The following MAST4 variants were observed in gnomAD, a reference collection of about 807,000 sequenced individuals.
MAST4 encodes the protein microtubule-associated serine/threonine-protein kinase 4.
In MAST4, 89 loss-of-function variants were observed where a neutral mutation model predicts 162.7. The ratio of observed to expected loss-of-function variants is 0.55; its 90% CI spans 0.46 to 0.65. The LOEUF is 0.65. Among genes scored for constraint, MAST4 ranks in the 30% least tolerant of loss-of-function variants. The probability of loss-of-function intolerance (pLI) is 0.00; values close to 1 mark genes in which losing one functional copy is unlikely to be tolerated. For synonymous variants in MAST4, 1,479 were observed against 1,361.1 expected, an observed-to-expected ratio of 1.09 and a Z score of -1.91; for missense variants, 3,153 against 3,374.0, an observed-to-expected ratio of 0.93 and a Z score of 1.62.
chr5:66,845,772 C>G (rs1758812583), intron 3 of MAST4, among the ~76,000 whole-genome samples: 1 of 151,976 alleles, frequency 6.6e-6, no homozygotes, highest in East Asian at 1.9e-4. Flanking sequence ...CTCTCCAGCA[C>G]CTGTTGTTTC....
intron 3 of MAST4, among the ~76,000 whole-genome samples, chr5:66,819,560 T>G (rs970334801): frequency 3.3e-5 from 5 of 152,220 alleles, no homozygotes; most frequent in African/African-American, 1.2e-4. Context: ...AATGCTTGAT[T>G]AATTCACATG....
chr5:66,731,556 A>G (rs139574205), intron 1 of MAST4, among the ~76,000 whole-genome samples: 12 of 152,294 alleles, frequency 7.9e-5, no homozygotes, highest in Admixed American at 5.9e-4. Context: ...ATGGCATTTA[A>G]TCTTGGTTTT....
chr5:67,015,209 G>T (rs140565717), intron 4 of MAST4, among the ~76,000 whole-genome samples: 1 of 152,224 alleles, frequency 6.6e-6, no homozygotes, highest in Non-Finnish European at 1.5e-5. Context: ...AAGGAAGCTC[G>T]TCATGACCTA....
chr5:66,664,506 T>TTG (rs1269673968), intron 1 of MAST4, among the ~76,000 whole-genome samples: 4 of 144,958 alleles, frequency 2.8e-5, no homozygotes, highest in Non-Finnish European at 4.5e-5. Flanking sequence ...GATGATGGGC[T>TTG]TACAAGACAG....
chr5:66,709,504 A>C (rs1470568219), intron 1 of MAST4, among the ~76,000 whole-genome samples: 1 of 149,624 alleles, frequency 6.7e-6, no homozygotes, highest in African/African-American at 2.5e-5. Flanking sequence ...TTTTGTAGAG[A>C]TGGAGTCTTG....
At chr5:66,769,355 G>A (rs1754257971) in intron 2 of MAST4, among the ~76,000 whole-genome samples, 1 of 152,172 alleles carries the variant, frequency 6.6e-6, no homozygotes, top group African/African-American at 2.4e-5. Flanking sequence ...TGGGACTTGG[G>A]TGCATGGTGG....
intron 1 of MAST4, among the ~76,000 whole-genome samples, chr5:66,655,465 G>C (rs1746486874): frequency 6.6e-6 from 1 of 152,172 alleles, no homozygotes; most frequent in Non-Finnish European, 1.5e-5. Context: ...CAGTAATCTG[G>C]ATGTTGAGAT....
chr5:66,844,202 G>A (rs917093030), intron 3 of MAST4, among the ~76,000 whole-genome samples: 4 of 140,778 alleles, frequency 2.8e-5, no homozygotes, highest in African/African-American at 1.0e-4. Context: ...TGTGTGTTGG[G>A]GCGGGGGGAT....
At chr5:66,693,529 A>G (rs1055587867) in intron 1 of MAST4, among the ~76,000 whole-genome samples, 4 of 152,336 alleles carry the variant, frequency 2.6e-5, no homozygotes, top group Admixed American at 2.6e-4. Context: ...CAATTCGCTA[A>G]CAAGATGAGC....
At chr5:66,747,572 G>A (rs1044050413) in intron 1 of MAST4, among the ~76,000 whole-genome samples, 1 of 152,178 alleles carries the variant, frequency 6.6e-6, no homozygotes, top group Non-Finnish European at 1.5e-5. Flanking sequence ...TTGGTGGCAT[G>A]AACAATTTTT....
At chr5:66,959,326 C>A in intron 4 of MAST4, 2 of 779,540 alleles carry the variant, frequency 2.6e-6, no homozygotes, top group East Asian at 2.4e-5. Flanking sequence ...TATTTTAATG[C>A]TTTCTGCATG....
At chr5:66,624,898 A>G (rs1744324106) in intron 1 of MAST4, among the ~76,000 whole-genome samples, 1 of 152,222 alleles carries the variant, frequency 6.6e-6, no homozygotes, top group African/African-American at 2.4e-5. Flanking sequence ...TTGCAATTGT[A>G]AAACTCCTAG....
In MAST4 at chr5:66,919,099, A is replaced by AACACACACACACACAC. The variant is rs56340246; in HGVS notation, c.674+19141_674+19156dup. 1.3e-3 allele frequency among the ~76,000 whole-genome samples: 178 copies of AACACACACACACACAC among 142,298 alleles called. 3 individuals carry two copies. The highest frequency in any genetic ancestry group is 3.2e-3 in the African/African-American group (121 of 38,014). The allele number at this position is 142,298 out of a possible 152,430, so 93.4% of individuals were successfully genotyped here. A position where few individuals can be genotyped will look rare whatever the true frequency, so the allele number is the denominator to read the frequency against. ...GCCTGGGTGACAGAGCGAGACTCTC[A>AACACACACACACACAC]ACACACACACACACACACACACACA... On this transcript the variant is annotated intron_variant, in intron 4 of 28. Coordinates refer to ENST00000403625, the MANE Select transcript of MAST4 (RefSeq NM_001164664.2).
chr5:66,951,168 G>A (rs1012990247), intron 4 of MAST4, among the ~76,000 whole-genome samples: 15 of 152,338 alleles, frequency 9.8e-5, no homozygotes, highest in Middle Eastern at 3.4e-3. Context: ...GGAAAGGAAA[G>A]CATTAAATCG....
intron 1 of MAST4, among the ~76,000 whole-genome samples, chr5:66,615,906 A>G (rs972833976): frequency 6.6e-6 from 1 of 152,192 alleles, no homozygotes; most frequent in African/African-American, 2.4e-5. Flanking sequence ...GCCTGCCCTC[A>G]GCAAGGTAGT....
At chr5:66,827,875 G>A (rs764226399) in intron 3 of MAST4, among the ~76,000 whole-genome samples, 2 of 152,108 alleles carry the variant, frequency 1.3e-5, no homozygotes, top group East Asian at 1.9e-4. Context: ...TGGTAGTGTC[G>A]TATGTTGTTA....
In MAST4 at chr5:66,748,850, G is replaced by A. The variant is rs1752954086; in HGVS notation, c.364-10859G>A. ...CATTCTGGGTGGTATAATCCAACATGACTGTCAGCAAAATCAATTAATAGG... is the reference window on the plus strand; with the variant it reads ...CATTCTGGGTGGTATAATCCAACATAACTGTCAGCAAAATCAATTAATAGG... On this transcript the variant is annotated intron_variant, in intron 1 of 28. Transcript: ENST00000403625. Among the ~76,000 whole-genome samples the A allele has an allele frequency of 2.0e-5, 3 of 151,640 alleles. No homozygotes were observed. In the South Asian group the frequency reaches 6.3e-4, roughly 32 times the overall value.
chr5:67,083,997 A>G (rs1456601352), intron 5 of MAST4, among the ~76,000 whole-genome samples: 1 of 152,200 alleles, frequency 6.6e-6, no homozygotes, highest in Non-Finnish European at 1.5e-5. Context: ...GTGAAAAGCT[A>G]AAACATTCTC....
chr5:66,712,458 G>A (rs1383579197), intron 1 of MAST4, among the ~76,000 whole-genome samples: 1 of 152,164 alleles, frequency 6.6e-6, no homozygotes, highest in African/African-American at 2.4e-5. Context: ...TAGATGAATA[G>A]GAATCTGCAG....
Sources: allele counts gnomAD v4.1 joint callset (sites outside exome capture counted in the v4.1 genomes callset), GRCh38; gene constraint gnomAD v4.1.1; transcripts MANE v1.5; gene names NCBI Gene and HGNC (gene_info 2026-07-23, HGNC 2026-07-21).